NBPF20: variants seen among roughly 807,000 people sequenced by gnomAD.
The protein encoded by NBPF20 is NBPF member 20.
A neutral mutation model predicts 68.1 loss-of-function variants in NBPF20; 90 were observed. The observed-to-expected ratio is 1.32, with a 90% confidence interval of 1.11 to 1.58. NBPF20 has a LOEUF of 1.58. NBPF20 is among the 40% of genes most tolerant of loss of function. NBPF20 has a pLI of 0.00. For synonymous variants in NBPF20, 290 were observed against 228.1 expected (o/e 1.27, Z -2.45); for missense variants, 816 against 601.2 (o/e 1.36, Z -3.74).
chr1:145,406,487 T>G (rs1441086125), upstream of NBPF20, among the ~76,000 whole-genome samples: 3 of 151,878 alleles, frequency 2.0e-5, no homozygotes, highest in Non-Finnish European at 4.4e-5. Context: ...GGGATGGAGT[T>G]GCTTGGTGAA....
chr1:145,378,023 C>G lies in NBPF20; in HGVS notation c.3464+20G>C. On this transcript the variant is annotated intron_variant, in intron 29 of 137. Transcript: ENST00000369373. The stretch of plus-strand genomic sequence containing the variant: ...CAGGTGTCGACACAGAATTAAGCAT[C>G]CATAATTGCTCAAAGTTACCTGGGG... The G allele has an allele frequency of 8.5e-6, 4 of 471,126 alleles. 1 individual carries two copies. The highest frequency in any genetic ancestry group is 1.5e-5 in the Non-Finnish European group (4 of 272,440). The allele number at this position is 471,126 out of a possible 1,614,324, so 29.2% of individuals were successfully genotyped here. A position where few individuals can be genotyped will look rare whatever the true frequency, so the allele number is the denominator to read the frequency against.
Position 145,405,478 on chromosome 1 carries a change from T to C in NBPF20, c.-104A>G, listed in dbSNP as rs1312095330. 2.6e-6 allele frequency: 4 copies of C among 1,534,740 alleles called. No individual in the cohort carries two copies. The African/African-American group carries it at 5.8e-5, about 22-fold the overall frequency. On this transcript the variant is annotated 5_prime_UTR_variant, in exon 1 of 138. Coordinates refer to ENST00000369373, the Ensembl canonical transcript of NBPF20. ...TTCACCACAAAAACAAGGTTCAAGG[T>C]GCCTCAACTCAGAGCTGAAAGCACT...
intron 2 of NBPF20, among the ~76,000 whole-genome samples, chr1:145,404,861 T>G (rs77324686): frequency 6.9e-6 from 1 of 145,076 alleles, no homozygotes; most frequent in East Asian, 2.0e-4. Context: ...GTGCCTGTGT[T>G]AGAAATCAAT....
At chr1:145,291,905 T>A (rs1272003632) in intron 137 of NBPF20, 136 bp from the exon 143 acceptor site, 35 of 1,542,604 alleles carry the variant, frequency 2.3e-5, no homozygotes, top group African/African-American at 1.1e-4. Context: ...AAAAAAAAAA[T>A]TTATTGCCTA....
chr1:145,291,410 C>A (rs1362272911), exon 138 of NBPF20: 4 of 1,601,834 alleles, frequency 2.5e-6, no homozygotes, highest in South Asian at 1.1e-5. Context: ...TACAGCCATG[C>A]CCACTGACCC....
chr1:145,292,474 C>T (rs782364354), exon 137 of NBPF20: 5 of 716,262 alleles, frequency 7.0e-6, no homozygotes, highest in African/African-American at 2.1e-5. Context: ...CTTCCCCTTC[C>T]CCTTCTTTTC....
intron 75 of NBPF20, among the ~76,000 whole-genome samples, 197 bp from the exon 81 acceptor site, chr1:145,341,136 A>G (rs1661609883): frequency 1.2e-5 from 1 of 81,048 alleles, no homozygotes; most frequent in Non-Finnish European, 3.0e-5. Context: ...AGACAGAGAG[A>G]GAGAGACAGA....
rs1571371776 is a variant in NBPF20 at position 145,401,054 on chromosome 1, G to A, written c.566+5C>T. The A allele has an allele frequency of 8.7e-6, 14 of 1,605,074 alleles. No homozygotes were observed. The East Asian group carries it at 1.8e-4, about 20-fold the overall frequency. ...CATTAATTGTTCCTGAGTATTCAGTGTTACCTGGGGGCAGACGATTTCTGC... is the reference window on the plus strand; with the variant it reads ...CATTAATTGTTCCTGAGTATTCAGTATTACCTGGGGGCAGACGATTTCTGC... On this transcript the variant is annotated splice_donor_5th_base_variant and intron_variant, in intron 5 of 137. Coordinates refer to ENST00000369373, the Ensembl canonical transcript of NBPF20.
chr1:145,393,489 A>ACC (rs1348660961), intron 9 of NBPF20, among the ~76,000 whole-genome samples: 3 of 151,378 alleles, frequency 2.0e-5, no homozygotes, highest in African/African-American at 7.3e-5. Context: ...ACACACACAC[A>ACC]CAGAGCGAGC....
chr1:145,292,804 A>G (rs1336725639), intron 136 of NBPF20, among the ~76,000 whole-genome samples: 7 of 78,956 alleles, frequency 8.9e-5, no homozygotes, highest in African/African-American at 4.4e-4. Flanking sequence ...TTTCTAGGAG[A>G]AAAACTGCAA....
At chr1:145,421,723 A>C in the NBPF20 span, among the ~76,000 whole-genome samples, 1 of 152,258 alleles carries the variant, frequency 6.6e-6, no homozygotes, top group Non-Finnish European at 1.5e-5. Flanking sequence ...CAAATCTTTT[A>C]AATTAGAAAA....
At chr1:145,407,479 TAC>T (rs1490688868), upstream of NBPF20, among the ~76,000 whole-genome samples, 4 of 145,450 alleles carry the variant, frequency 2.8e-5, no homozygotes, top group Non-Finnish European at 6.0e-5. Flanking sequence ...ATAATATATA[TAC>T]AAACACATGA....
chr1:145,415,305 G>A, the NBPF20 span, among the ~76,000 whole-genome samples: 1 of 151,568 alleles, frequency 6.6e-6, no homozygotes, highest in Non-Finnish European at 1.5e-5. Flanking sequence ...TATACAATCG[G>A]GCTTTACACC....
chr1:145,394,079 C>A, intron 8 of NBPF20, 144 bp from the exon 14 acceptor site: 1 of 653,604 alleles, frequency 1.5e-6, no homozygotes, highest in South Asian at 1.8e-5. Context: ...TCCAGTAGGC[C>A]TGAGGTCAAG....
At chr1:145,401,707 G>T (rs1297303598) in intron 4 of NBPF20, among the ~76,000 whole-genome samples, 424 of 137,024 alleles carry the variant, frequency 3.1e-3, no homozygotes, top group African/African-American at 4.5e-3. Flanking sequence ...GAAAGCAGTT[G>T]TAAGTGTTCC....
Position 145,377,670 on chromosome 1 carries a change from A to T in NBPF20, c.3465-232T>A, listed in dbSNP as rs2100508915. Reference sequence around the variant, plus strand: ...AGAGAGAGAGAGAGAGGAGAAAGTGAGCTCAGCGAGTTGGCCGGGTGACAC... The same window carrying T: ...AGAGAGAGAGAGAGAGGAGAAAGTGTGCTCAGCGAGTTGGCCGGGTGACAC... On this transcript the variant is annotated intron_variant, in intron 29 of 137. Coordinates refer to ENST00000369373, the Ensembl canonical transcript of NBPF20. 1.4e-5 allele frequency among the ~76,000 whole-genome samples: 2 copies of T among 140,616 alleles called. 1 individual carries two copies. Among genetic ancestry groups the T allele is most frequent in the East Asian group, 4.4e-4 (2 of 4,506 alleles). The allele number at this position is 140,616 out of a possible 152,430, so 92.2% of individuals were successfully genotyped here.
In NBPF20 at chr1:145,309,143, G is replaced by T; in HGVS notation, c.14043C>A (p.Cys4681Ter). The change falls in exon 116 of 138, where the codon TGC becomes TGA. Residue 4681 changes from cysteine to a stop codon, truncating the protein, a stop_gained. Coordinates refer to ENST00000369373, the Ensembl canonical transcript of NBPF20. LOFTEE classifies it high-confidence loss of function. ...CATAAAAGGAACTTCCATAGGGCTG[G>T]CAGGAGTCAGGCTGTTCAAGACAAC... 1 of 77,790 alleles carries T rather than the reference G, an allele frequency of 1.3e-5. No individual in the cohort carries two copies. The highest frequency in any genetic ancestry group is 2.1e-5 in the Non-Finnish European group (1 of 47,262). 4.8% of individuals were successfully genotyped at this position (77,790 alleles called of 1,614,324 possible).
Position 145,291,637 on chromosome 1 carries a change from T to G in NBPF20, c.16830A>C (p.Ser5610=), listed in dbSNP as rs199949374. 7,378 of 1,611,886 alleles carry G rather than the reference T, an allele frequency of 4.6e-3. 27 individuals carry two copies. Among genetic ancestry groups the G allele is most frequent in the Middle Eastern group, 5.4e-3 (24 of 4,432 alleles). Residue 5610 remains serine (S), a synonymous_variant, in exon 138 of 138, where the codon TCA becomes TCC. Coordinates refer to ENST00000369373, the Ensembl canonical transcript of NBPF20. ...CGAAGCTGATGTGCTGTTCCTCAAATGAGTAAAACACACTTCTGTAGTGCT... is the reference window on the plus strand; with the variant it reads ...CGAAGCTGATGTGCTGTTCCTCAAAGGAGTAAAACACACTTCTGTAGTGCT...
intron 8 of NBPF20, among the ~76,000 whole-genome samples, chr1:145,394,191 C>G (rs1477226485): frequency 6.6e-6 from 1 of 152,114 alleles, no homozygotes; most frequent in Admixed American, 6.6e-5. Flanking sequence ...CTTCTGTACA[C>G]AAATGAGAAA....
Sources: allele counts gnomAD v4.1 joint callset (sites outside exome capture counted in the v4.1 genomes callset), GRCh38; gene constraint gnomAD v4.1.1; transcripts MANE v1.5; gene names NCBI Gene and HGNC (gene_info 2026-07-23, HGNC 2026-07-21).